PES1: variants seen among roughly 807,000 people sequenced by gnomAD.
PES1 encodes pescadillo homolog.
Under a neutral mutation model 77.1 loss-of-function variants are expected in PES1, and 31 were observed. The ratio of observed to expected loss-of-function variants is 0.40; its 90% CI spans 0.30 to 0.54. The LOEUF is 0.54. PES1 is among the 20% of genes least tolerant of loss of function. The pLI, the probability that PES1 is intolerant of heterozygous loss-of-function variation, is 0.45. For missense variants in PES1, 658 were observed against 771.7 expected (o/e 0.85, Z 1.75); for synonymous variants, 282 against 303.0 (o/e 0.93, Z 0.72).
chr22:30,590,595 T>C (rs1050378547), intron 1 of PES1, among the ~76,000 whole-genome samples: 1 of 152,206 alleles, frequency 6.6e-6, no homozygotes. Context: ...GCCACACTTA[T>C]CTCTGTCACC....
chr22:30,591,978 C>G, upstream of PES1: 1 of 1,384,190 alleles, frequency 7.2e-7, no homozygotes, highest in South Asian at 1.7e-5. Flanking sequence ...CTGTACAAGT[C>G]CAGGGAAAGA....
chr22:30,579,990 T>C, intron 11 of PES1, 55 bp from the exon 12 acceptor site: 1 of 1,611,692 alleles, frequency 6.2e-7, no homozygotes, highest in Non-Finnish European at 8.5e-7. Context: ...AGGGTCCTGC[T>C]GCATCGCAGG....
At chr22:30,601,095 C>T (rs1265987449) in intron 2 of PES1, among the ~76,000 whole-genome samples, 2 of 152,164 alleles carry the variant, frequency 1.3e-5, no homozygotes, top group African/African-American at 2.4e-5. Flanking sequence ...TCTTTTCTGA[C>T]CTCGAGTTAT....
At chr22:30,586,444 A>G (rs1366560051) in intron 4 of PES1, among the ~76,000 whole-genome samples, 1 of 152,206 alleles carries the variant, frequency 6.6e-6, no homozygotes, top group East Asian at 1.9e-4. Flanking sequence ...TCAGCCTCCA[A>G]AGATGACAGA....
At chr22:30,587,475 G>T (rs2087109200) in intron 3 of PES1, 80 bp from the exon 4 acceptor site, 4 of 1,070,050 alleles carry the variant, frequency 3.7e-6, no homozygotes, top group Non-Finnish European at 4.2e-6. Flanking sequence ...TGGAAACGCA[G>T]GGCAGAAGGA....
Position 30,589,171 on chromosome 22 carries a change from C to T in PES1, c.104+20G>A, listed in dbSNP as rs930307292. 1.2e-6 allele frequency: 2 copies of T among 1,602,094 alleles called. No individual in the cohort carries two copies. The highest frequency in any genetic ancestry group is 2.7e-5 in the African/African-American group (2 of 74,696). On this transcript the variant is annotated intron_variant, in intron 2 of 14. Coordinates refer to ENST00000354694, the MANE Select transcript of PES1 (RefSeq NM_014303.4). ...TGTGCAATTCACTGCCCGGGCTTCCCACGGTCCCTCTATATTCACCTAAAG... is the reference window on the plus strand; with the variant it reads ...TGTGCAATTCACTGCCCGGGCTTCCTACGGTCCCTCTATATTCACCTAAAG...
intron 2 of PES1, chr22:30,604,090 G>T (rs1421369032): frequency 1.3e-5 from 2 of 152,198 alleles, no homozygotes; most frequent in Non-Finnish European, 2.9e-5. Flanking sequence ...CTAGAGTCTT[G>T]TTTCCTTGGA....
At chr22:30,595,418 G>C (rs767390029), upstream of PES1, among the ~76,000 whole-genome samples, 7 of 151,552 alleles carry the variant, frequency 4.6e-5, no homozygotes, top group African/African-American at 9.7e-5. Context: ...CTTGCCTGTA[G>C]TCCCAGCTAC....
At chr22:30,597,930 C>G (rs975206296) in intron 2 of PES1, among the ~76,000 whole-genome samples, 5 of 132,602 alleles carry the variant, frequency 3.8e-5, no homozygotes, top group African/African-American at 1.2e-4. Context: ...GTCGCCCAGG[C>G]TGGAGTGCAG....
At chr22:30,603,494 G>C (rs186512081) in intron 2 of PES1, among the ~76,000 whole-genome samples, 1 of 151,896 alleles carries the variant, frequency 6.6e-6, no homozygotes, top group Non-Finnish European at 1.5e-5. Flanking sequence ...CAATTCTCCC[G>C]CCTCAACCTC....
chr22:30,585,216 A>G (rs2146469900), intron 4 of PES1: 1 of 470,118 alleles, frequency 2.1e-6, no homozygotes, highest in South Asian at 1.6e-5. Context: ...TATGTCTTCC[A>G]TGCCTCTCAT....
chr22:30,606,733 C>A, intron 1 of PES1: 1 of 531,430 alleles, frequency 1.9e-6, no homozygotes, highest in Non-Finnish European at 2.4e-6. Flanking sequence ...CCAACTCCCC[C>A]ACCCCCACAA....
intron 13 of PES1, 57 bp from the exon 14 acceptor site, chr22:30,579,055 C>G: frequency 6.2e-7 from 1 of 1,603,616 alleles, no homozygotes; most frequent in Non-Finnish European, 8.5e-7. Context: ...CCACAGTCCT[C>G]TGGCTCCTGA....
At chr22:30,601,754 G>C (rs2087357274) in intron 2 of PES1, 1 of 151,200 alleles carries the variant, frequency 6.6e-6, no homozygotes, top group South Asian at 2.1e-4. Context: ...GTTTTTAGCA[G>C]TTACAAATAA....
chr22:30,606,744 T>A (rs1050152936), intron 1 of PES1: 274 of 125,486 alleles, frequency 2.2e-3, no homozygotes, highest in Middle Eastern at 5.0e-3. Context: ...ACCCCCACAA[T>A]CCCCTCCCGC....
At chr22:30,595,963 G>A (rs1411479959), upstream of PES1, among the ~76,000 whole-genome samples, 2 of 152,236 alleles carry the variant, frequency 1.3e-5, no homozygotes, top group East Asian at 1.9e-4. Flanking sequence ...CCACCTTCAG[G>A]AACCCTTTGG....
At chr22:30,599,221 T>C (rs1640315599) in intron 2 of PES1, among the ~76,000 whole-genome samples, 1 of 152,076 alleles carries the variant, frequency 6.6e-6, no homozygotes, top group Non-Finnish European at 1.5e-5. Context: ...CTTTAATAAA[T>C]AAACTGGTTT....
At position 30,581,519 on chromosome 22, in the gene PES1, G is replaced by C. The variant is rs1569022361; in HGVS notation, c.747+9C>G. On this transcript the variant is annotated intron_variant, in intron 7 of 14. Transcript: ENST00000354694. Reference sequence around the variant, plus strand: ...ACGGCGAGCAGAAGGCACTGGGCTGGGGTCCTACCTTCGGGGGATAGTGGA... The same window carrying C: ...ACGGCGAGCAGAAGGCACTGGGCTGCGGTCCTACCTTCGGGGGATAGTGGA... 1 of 1,611,282 alleles carries C rather than the reference G, an allele frequency of 6.2e-7. No individual in the cohort carries two copies. Among genetic ancestry groups the C allele is most frequent in the South Asian group, 1.1e-5 (1 of 91,048 alleles).
At chr22:30,585,018 T>C (rs1381456828) in intron 4 of PES1, among the ~76,000 whole-genome samples, 1 of 152,142 alleles carries the variant, frequency 6.6e-6, no homozygotes, top group Non-Finnish European at 1.5e-5. Context: ...TGCACGACGG[T>C]AGACGGAGTC....
Sources: gnomAD v4.1 joint callset for allele counts (sites outside exome capture counted in the v4.1 genomes callset) on GRCh38, gnomAD v4.1.1 for gene constraint, MANE v1.5 for transcripts, NCBI Gene and HGNC (gene_info 2026-07-23, HGNC 2026-07-21) for gene names.